The following BRAF variants were observed in gnomAD, a reference collection of about 807,000 sequenced individuals.
The protein encoded by BRAF is serine/threonine-protein kinase B-raf.
A neutral mutation model predicts 104.6 loss-of-function variants in BRAF; 16 were observed. The observed-to-expected ratio is 0.15, with a 90% CI of 0.10 to 0.23. The LOEUF is 0.23. Ranked by LOEUF, BRAF falls within the 10% of genes least tolerant of loss-of-function variation. The pLI is 1.00. For synonymous variants in BRAF, 310 were observed against 341.6 expected, an observed-to-expected ratio of 0.91 and a Z score of 1.02; for missense variants, 541 against 937.3, an observed-to-expected ratio of 0.58 and a Z score of 5.52.
rs187557135 is a variant in BRAF at position 140,855,724 on chromosome 7, C to T, written c.139-5512G>A. On this transcript the variant is annotated intron_variant, in intron 1 of 19. Coordinates refer to ENST00000644969, the MANE Select transcript of BRAF (RefSeq NM_001374258.1). ...AGATGTCAAAACTCAACAAAGATAA[C>T]ATAAAAAAAAATAGGCCACGTACAA... is the stretch of plus-strand genomic sequence containing the variant. 1.7e-4 allele frequency among the ~76,000 whole-genome samples: 26 copies of T among 151,734 alleles called. 1 individual carries two copies. The highest frequency in any genetic ancestry group is 8.3e-4 in the South Asian group (4 of 4,810).
At chr7:140,921,635 G>A (rs1321325265) in intron 1 of BRAF, among the ~76,000 whole-genome samples, 1 of 151,958 alleles carries the variant, frequency 6.6e-6, no homozygotes, top group Non-Finnish European at 1.5e-5. Flanking sequence ...AAAAAGAACA[G>A]ATGGAATACA....
intron 14 of BRAF, among the ~76,000 whole-genome samples, chr7:140,769,297 C>T (rs901271791): frequency 5.9e-5 from 9 of 152,012 alleles, no homozygotes; most frequent in East Asian, 1.9e-4. Context: ...AGGCTAGTCT[C>T]GAACTCCTGT....
In BRAF at chr7:140,723,959, A is replaced by C. The variant is rs1428006924; in HGVS notation, c.*2535T>G. 14 of 1,041,906 alleles carry C rather than the reference A, an allele frequency of 1.3e-5. No homozygotes were observed. Among genetic ancestry groups the C allele is most frequent in the Non-Finnish European group, 1.6e-5 (14 of 864,360 alleles). 64.5% of individuals were successfully genotyped at this position (1,041,906 alleles called of 1,614,324 possible). ...TTTCATGTCATTTGTAAACTAGAGA[A>C]AAAACCTATTTCATAGAAAAAGGAA... On this transcript the variant is annotated 3_prime_UTR_variant, in exon 20 of 20. Coordinates refer to ENST00000644969, the MANE Select transcript of BRAF (RefSeq NM_001374258.1).
intron 14 of BRAF, among the ~76,000 whole-genome samples, chr7:140,757,129 C>T (rs1798264855): frequency 6.6e-6 from 1 of 152,112 alleles, no homozygotes; most frequent in Non-Finnish European, 1.5e-5. Flanking sequence ...TAATTACATG[C>T]TTCCTGCTGC....
rs1818646083 is a variant in BRAF, at chr7:140,924,533, T to G, written c.138+33A>C. 1 of 1,530,112 alleles carries G rather than the reference T, an allele frequency of 6.5e-7. No homozygotes were observed. The highest frequency in any genetic ancestry group is 2.4e-5 in the East Asian group (1 of 40,840). 94.8% of individuals were successfully genotyped at this position (1,530,112 alleles called of 1,614,324 possible). A position where few individuals can be genotyped will look rare whatever the true frequency, so the allele number is the denominator to read the frequency against. Reference sequence around the variant, plus strand: ...CACCAGCCAGCCGCCGAGCCCGGAGTCGGGAGGGCGGCAGGGTGGCGCCAG... The same window carrying G: ...CACCAGCCAGCCGCCGAGCCCGGAGGCGGGAGGGCGGCAGGGTGGCGCCAG... On this transcript the variant is annotated intron_variant, in intron 1 of 19. Transcript: ENST00000644969. This position sits in a 1 kb window ranked among gnomAD's most constrained non-coding sequence, Gnocchi z 4.2.
intron 1 of BRAF, among the ~76,000 whole-genome samples, chr7:140,922,958 T>A (rs1479267627): frequency 6.6e-6 from 1 of 151,956 alleles, no homozygotes; most frequent in African/African-American, 2.4e-5. Context: ...ATCAAGAAGC[T>A]GGGGGAAAGG....
chr7:140,912,151 C>G (rs1817055256), intron 1 of BRAF, among the ~76,000 whole-genome samples: 1 of 152,152 alleles, frequency 6.6e-6, no homozygotes, highest in Admixed American at 6.5e-5. Flanking sequence ...AGACCCCCAT[C>G]TCTTAAAGGA....
chr7:140,917,994 T>TAAA (rs1412470941), intron 1 of BRAF, among the ~76,000 whole-genome samples: 1 of 152,200 alleles, frequency 6.6e-6, no homozygotes, highest in African/African-American at 2.4e-5. Context: ...CCACAATGCC[T>TAAA]AAAATATTTG....
chr7:140,713,436 T>C, the BRAF span, among the ~76,000 whole-genome samples: 1 of 152,224 alleles, frequency 6.6e-6, no homozygotes, highest in African/African-American at 2.4e-5. Context: ...GTCACGTAGC[T>C]CTCGTGCCTT....
intron 14 of BRAF, among the ~76,000 whole-genome samples, chr7:140,770,527 C>CAAA (rs35621209): frequency 0.094 from 5,995 of 63,480 alleles, 578 homozygotes; most frequent in African/African-American, 0.24. Flanking sequence ...TAAGGCCTGC[C>CAAA]AAAAAAAAAA....
At position 140,720,577 on chromosome 7, in the gene BRAF, C is replaced by G; in HGVS notation, c.*5917G>C. 2.8e-6 allele frequency: 3 copies of G among 1,065,510 alleles called. No individual in the cohort carries two copies. In the South Asian group the frequency reaches 1.4e-4, roughly 48 times the overall value. 66.0% of individuals were successfully genotyped at this position (1,065,510 alleles called of 1,614,324 possible). A position where few individuals can be genotyped will look rare whatever the true frequency, so the allele number is the denominator to read the frequency against. ...TTCACAGCTTAGAATAAAAAGCATACTTATTGCACTCTTACATTTGATTTC... is the reference window on the plus strand; with the variant it reads ...TTCACAGCTTAGAATAAAAAGCATAGTTATTGCACTCTTACATTTGATTTC... On this transcript the variant is annotated 3_prime_UTR_variant, in exon 20 of 20. Coordinates refer to ENST00000644969, the MANE Select transcript of BRAF (RefSeq NM_001374258.1).
At chr7:140,799,991 T>A (rs1802916668) in intron 7 of BRAF, 2 of 405,638 alleles carry the variant, frequency 4.9e-6, no homozygotes, top group East Asian at 4.2e-5. Flanking sequence ...CAAGTAAATA[T>A]CTGACTGGTG....
At chr7:140,841,118 A>G (rs1807917234) in intron 2 of BRAF, among the ~76,000 whole-genome samples, 2 of 152,210 alleles carry the variant, frequency 1.3e-5, no homozygotes, top group South Asian at 4.1e-4. Flanking sequence ...CAAATGGCTA[A>G]CAAGAACATG....
At chr7:140,846,862 T>C (rs544968095) in intron 2 of BRAF, among the ~76,000 whole-genome samples, 1 of 152,010 alleles carries the variant, frequency 6.6e-6, no homozygotes, top group Non-Finnish European at 1.5e-5. Flanking sequence ...TCATAGTATA[T>C]AAAATGGTGA....
At chr7:140,746,062 C>T (rs990698716) in intron 17 of BRAF, among the ~76,000 whole-genome samples, 4 of 152,120 alleles carry the variant, frequency 2.6e-5, no homozygotes, top group Admixed American at 6.6e-5. Flanking sequence ...CTAGTCAATA[C>T]GGTGTGAAAC....
intron 1 of BRAF, among the ~76,000 whole-genome samples, chr7:140,878,347 C>T (rs1374901800): frequency 6.6e-6 from 1 of 151,850 alleles, no homozygotes. Flanking sequence ...ATCTTAATGA[C>T]CTTGGATTTA....
intron 1 of BRAF, among the ~76,000 whole-genome samples, chr7:140,920,790 T>C (rs1818131971): frequency 6.6e-6 from 1 of 152,156 alleles, no homozygotes; most frequent in Non-Finnish European, 1.5e-5. Context: ...GAGAAAAGAA[T>C]ATAGAAAGTG....
intron 14 of BRAF, among the ~76,000 whole-genome samples, chr7:140,767,341 A>T (rs1300870191): frequency 6.6e-6 from 1 of 152,190 alleles, no homozygotes; most frequent in Middle Eastern, 3.2e-3. Flanking sequence ...TCAGTAGGAA[A>T]GGAAAAACTG....
chr7:140,811,000 C>T (rs953739813), intron 3 of BRAF, among the ~76,000 whole-genome samples: 13 of 152,146 alleles, frequency 8.5e-5, no homozygotes, highest in African/African-American at 2.9e-4. Flanking sequence ...CTGTTTAGGG[C>T]TGGTAAGCAT....
Sources: allele counts gnomAD v4.1 joint callset (sites outside exome capture counted in the v4.1 genomes callset), GRCh38; gene constraint gnomAD v4.1.1; non-coding constraint Gnocchi (gnomAD v3.1); transcripts MANE v1.5; gene names NCBI Gene and HGNC (gene_info 2026-07-23, HGNC 2026-07-21).